Variants in TLE1 observed in about 807,000 individuals in gnomAD.
TLE1 encodes the protein TLE family member 1, transcriptional corepressor.
Under a neutral mutation model 89.8 loss-of-function variants are expected in TLE1, and 21 were observed. That is an observed-to-expected ratio of 0.23 (90% CI 0.17 to 0.34). The LOEUF (loss-of-function observed/expected upper bound fraction) is 0.34, where lower values mean the gene tolerates loss of function less well. Ranked by LOEUF, TLE1 falls within the 10% of genes least tolerant of loss-of-function variation. TLE1 has a pLI of 1.00. For synonymous variants in TLE1, 447 were observed against 407.6 expected (o/e 1.10, Z -1.16); for missense variants, 795 against 1,031.2 (o/e 0.77, Z 3.14).
chr9:81,638,686 G>A (rs549928077), intron 6 of TLE1, among the ~76,000 whole-genome samples: 5 of 151,546 alleles, frequency 3.3e-5, no homozygotes, highest in East Asian at 2.0e-4. Context: ...ATACAGTGGC[G>A]CAATCTTGGC....
intron 6 of TLE1, among the ~76,000 whole-genome samples, chr9:81,641,938 C>A (rs1425431810): frequency 6.6e-6 from 1 of 152,152 alleles, no homozygotes; most frequent in Non-Finnish European, 1.5e-5. Flanking sequence ...AGGAGAATTG[C>A]TTGAACCTGG....
At position 81,591,316 on chromosome 9, in the gene TLE1, T is replaced by C. The variant is rs368244066; in HGVS notation, c.1582-264A>G. Among the ~76,000 whole-genome samples, 5 of 152,294 alleles carry C rather than the reference T, an allele frequency of 3.3e-5. No individual in the cohort carries two copies. The East Asian group carries it at 9.6e-4, about 29-fold the overall frequency. ...AAACTATCTAGGTATGAGGTACAGG[T>C]GTACACATAGTTCCCTGAGAAGAAA... On this transcript the variant is annotated intron_variant, in intron 15 of 19. Transcript: ENST00000376499.
At chr9:81,660,115 C>A (rs1305454524) in intron 4 of TLE1, among the ~76,000 whole-genome samples, 8 of 152,104 alleles carry the variant, frequency 5.3e-5, no homozygotes, top group Admixed American at 5.2e-4. Flanking sequence ...GCCTTCTCAA[C>A]ACAACAAGAT....
chr9:81,655,047 T>C (rs765925365), intron 4 of TLE1, among the ~76,000 whole-genome samples: 1 of 151,970 alleles, frequency 6.6e-6, no homozygotes, highest in African/African-American at 2.4e-5. Context: ...GTGTCCTTAG[T>C]GTCTATAGCA....
chr9:81,633,275 G>C (rs1826910499), intron 8 of TLE1, 73 bp downstream of exon 8: 1 of 1,603,262 alleles, frequency 6.2e-7, no homozygotes, highest in Non-Finnish European at 8.5e-7. Context: ...GAGAAGTGTT[G>C]TCAGAAGGGG....
chr9:81,686,328 T>A (rs765062037), intron 2 of TLE1, among the ~76,000 whole-genome samples: 1 of 152,360 alleles, frequency 6.6e-6, no homozygotes, highest in Non-Finnish European at 1.5e-5. Flanking sequence ...GTTAAGTTAC[T>A]CCTACAATTG....
Position 81,636,969 on chromosome 9 carries a change from C to T in TLE1, c.373-2668G>A, listed in dbSNP as rs1827448952. Among the ~76,000 whole-genome samples the T allele has an allele frequency of 2.0e-5, 3 of 150,506 alleles. No individual in the cohort carries two copies. The South Asian group carries it at 6.3e-4, about 32-fold the overall frequency. On this transcript the variant is annotated intron_variant, in intron 6 of 19. Coordinates refer to ENST00000376499, the MANE Select transcript of TLE1 (RefSeq NM_005077.5). ...AGTCAGCTGAGATCACGCCACTGTA[C>T]TCCAGCCTGGACGACAGAGGGAGAC...
intron 4 of TLE1, among the ~76,000 whole-genome samples, chr9:81,677,564 C>CAAAAAA (rs60091510): frequency 1.2e-5 from 1 of 85,590 alleles, no homozygotes; most frequent in Non-Finnish European, 2.2e-5. Flanking sequence ...GACTCCATCT[C>CAAAAAA]AAAAAAAAAA....
Position 81,674,796 on chromosome 9 carries a change from CA to C in TLE1, c.234+10879del, listed in dbSNP as rs1832680395. Among the ~76,000 whole-genome samples, 3 of 152,022 alleles carry C rather than the reference CA, an allele frequency of 2.0e-5. 1 individual carries two copies. The highest frequency in any genetic ancestry group is 2.0e-4 in the Admixed American group (3 of 15,260). On this transcript the variant is annotated intron_variant, in intron 4 of 19. Coordinates refer to ENST00000376499, the MANE Select transcript of TLE1 (RefSeq NM_005077.5). ...GGTGGATCACCTAATACAACCACGC[CA>C]AAAGTACAAAGGGCAAGTCTAGGAG... is the stretch of plus-strand genomic sequence containing the variant.
intron 14 of TLE1, among the ~76,000 whole-genome samples, chr9:81,604,209 TC>T (rs1831334605): frequency 6.6e-6 from 1 of 152,140 alleles, no homozygotes; most frequent in Non-Finnish European, 1.5e-5. Flanking sequence ...AATTTTTCCT[TC>T]CCTGCACCCC....
chr9:81,607,271 C>T (rs189210719), intron 14 of TLE1, among the ~76,000 whole-genome samples: 123 of 152,260 alleles, frequency 8.1e-4, no homozygotes, highest in Non-Finnish European at 9.3e-4. Context: ...AAGGTGCTCA[C>T]AAGCCAAGGA....
At chr9:81,617,218 C>T (rs1358838091) in intron 9 of TLE1, among the ~76,000 whole-genome samples, 1 of 149,382 alleles carries the variant, frequency 6.7e-6, no homozygotes, top group African/African-American at 2.5e-5. Flanking sequence ...TCTTAAGTAA[C>T]AAAAAAGTAA....
At chr9:81,687,544 G>T in intron 1 of TLE1, 110 bp from the exon 2 acceptor site, 2 of 783,324 alleles carry the variant, frequency 2.6e-6, no homozygotes, top group Non-Finnish European at 4.1e-6. Context: ...AGTTAGAAGT[G>T]GCTGAAAACG....
chr9:81,606,694 G>A (rs1282879900), intron 14 of TLE1, among the ~76,000 whole-genome samples: 1 of 151,828 alleles, frequency 6.6e-6, no homozygotes, highest in South Asian at 2.1e-4. Flanking sequence ...GTTGATGGGT[G>A]CAGAAAACCA....
chr9:81,626,814 G>A (rs1269490491), intron 8 of TLE1, among the ~76,000 whole-genome samples: 1 of 152,168 alleles, frequency 6.6e-6, no homozygotes, highest in Non-Finnish European at 1.5e-5. Context: ...CCTCTCATTT[G>A]TAGCTGGCCC....
intron 14 of TLE1, among the ~76,000 whole-genome samples, chr9:81,608,536 G>A (rs908190820): frequency 2.6e-5 from 4 of 152,064 alleles, no homozygotes; most frequent in Non-Finnish European, 2.9e-5. Context: ...ACTCACTAAT[G>A]TGACATGCAA....
chr9:81,594,351 TA>T (rs35440521), intron 14 of TLE1, among the ~76,000 whole-genome samples: 26,527 of 151,394 alleles, frequency 0.18, 2,786 homozygotes, highest in Middle Eastern at 0.31. Flanking sequence ...TATGCAGCCA[TA>T]AAAAAAAGGA....
At chr9:81,686,972 C>G (rs1834367391) in intron 2 of TLE1, among the ~76,000 whole-genome samples, 1 of 152,188 alleles carries the variant, frequency 6.6e-6, no homozygotes, top group African/African-American at 2.4e-5. Context: ...CTTTGCTTCC[C>G]TGAACCCACA....
Position 81,629,298 on chromosome 9 carries a change from TTAAA to T in TLE1, c.594+4046_594+4049del, listed in dbSNP as rs1826281682. Among the ~76,000 whole-genome samples the T allele has an allele frequency of 8.2e-5, 9 of 110,276 alleles. 1 individual carries two copies. In the South Asian group the frequency reaches 2.6e-3, roughly 32 times the overall value. The allele number at this position is 110,276 out of a possible 152,430, so 72.3% of individuals were successfully genotyped here. A position where few individuals can be genotyped will look rare whatever the true frequency, so the allele number is the denominator to read the frequency against. On this transcript the variant is annotated intron_variant, in intron 8 of 19. Transcript: ENST00000376499. ...AGCCAAAATTTAATGCAATTTATCC[TTAAA>T]TTAATTAAAATATCTAAAGTTATTT...
Sources: gnomAD v4.1 joint callset for allele counts (sites outside exome capture counted in the v4.1 genomes callset) on GRCh38, gnomAD v4.1.1 for gene constraint, MANE v1.5 for transcripts, NCBI Gene and HGNC (gene_info 2026-07-23, HGNC 2026-07-21) for gene names.